Variants in ZMYM2 observed in about 807,000 individuals in gnomAD.
The protein encoded by ZMYM2 is zinc finger MYM-type containing 2.
Under a neutral mutation model 162.8 loss-of-function variants are expected in ZMYM2, and 56 were observed. The ratio of observed to expected loss-of-function variants is 0.34; its 90% confidence interval spans 0.28 to 0.43. The LOEUF (loss-of-function observed/expected upper bound fraction) is 0.43, where lower values mean the gene tolerates loss of function less well. Ranked by LOEUF, ZMYM2 falls within the 20% of genes least tolerant of loss-of-function variation. The pLI, the probability that ZMYM2 is intolerant of heterozygous loss-of-function variation, is 1.00. For synonymous variants in ZMYM2, 510 were observed against 541.6 expected (o/e 0.94, Z 0.81); for missense variants, 1,275 against 1,621.8 (o/e 0.79, Z 3.67).
the ZMYM2 span, among the ~76,000 whole-genome samples, chr13:19,945,665 C>T: frequency 6.6e-6 from 1 of 152,090 alleles, no homozygotes; most frequent in Non-Finnish European, 1.5e-5. Context: ...TTTTGTGAAG[C>T]TTCTCATCTT....
At chr13:20,004,293 C>T (rs901072831) in intron 4 of ZMYM2, among the ~76,000 whole-genome samples, 5 of 151,876 alleles carry the variant, frequency 3.3e-5, no homozygotes, top group Admixed American at 6.6e-5. Flanking sequence ...CTCGCTCTGT[C>T]GCCCTGGCTG....
the ZMYM2 span, among the ~76,000 whole-genome samples, chr13:19,867,688 C>A: frequency 6.6e-6 from 1 of 152,026 alleles, no homozygotes; most frequent in South Asian, 2.1e-4. Context: ...TGCAGTGGCG[C>A]AGTCTTGGAT....
intron 2 of ZMYM2, among the ~76,000 whole-genome samples, chr13:19,963,912 C>T (rs369993306): frequency 6.6e-6 from 1 of 151,894 alleles, no homozygotes; most frequent in Non-Finnish European, 1.5e-5. Flanking sequence ...TGTTCTTAGT[C>T]CTGTTTTATT....
the ZMYM2 span, among the ~76,000 whole-genome samples, chr13:19,882,028 TA>T: frequency 1.3e-5 from 2 of 149,754 alleles, no homozygotes; most frequent in African/African-American, 5.0e-5. Flanking sequence ...CAAAATTATA[TA>T]TACAAAAATG....
At chr13:20,024,486 T>C (rs1440344321) in intron 7 of ZMYM2, 1 of 219,204 alleles carries the variant, frequency 4.6e-6, no homozygotes, top group Non-Finnish European at 9.2e-6. Context: ...TGCTGATACA[T>C]GGAGGCCTTC....
chr13:19,918,804 C>T, the ZMYM2 span, among the ~76,000 whole-genome samples: 1 of 152,078 alleles, frequency 6.6e-6, no homozygotes, highest in Non-Finnish European at 1.5e-5. Flanking sequence ...TGGCCAAAAA[C>T]CTCTTATTTT....
chr13:20,046,904 T>C (rs1277673949), intron 12 of ZMYM2, among the ~76,000 whole-genome samples: 2 of 152,080 alleles, frequency 1.3e-5, no homozygotes, highest in Non-Finnish European at 2.9e-5. Flanking sequence ...TTTCAGAATA[T>C]ACAAGAAATA....
At chr13:19,870,607 T>C in the ZMYM2 span, among the ~76,000 whole-genome samples, 41 of 148,428 alleles carry the variant, frequency 2.8e-4, no homozygotes, top group African/African-American at 1.0e-3. Flanking sequence ...TTTCTTTCTT[T>C]CTTTCCTTCT....
the ZMYM2 span, among the ~76,000 whole-genome samples, chr13:19,948,298 T>C: frequency 7.4e-4 from 113 of 152,264 alleles, no homozygotes; most frequent in African/African-American, 2.7e-3. Flanking sequence ...CCCTTGCACA[T>C]GGGTATTTAT....
intron 1 of ZMYM2, 150 bp downstream of exon 1, chr13:19,958,991 C>G (rs1255638929): frequency 6.6e-6 from 1 of 152,040 alleles, no homozygotes; most frequent in Non-Finnish European, 1.5e-5. Context: ...TCCCACCGAC[C>G]CGGGATTAAT....
At chr13:20,027,073 C>G in intron 8 of ZMYM2, 130 bp from the exon 9 acceptor site, 1 of 651,854 alleles carries the variant, frequency 1.5e-6, no homozygotes, top group South Asian at 2.5e-5. Context: ...TGCACATAAT[C>G]TTCAGTATTG....
intron 3 of ZMYM2, among the ~76,000 whole-genome samples, chr13:19,999,005 TG>T (rs1156884105): frequency 6.6e-6 from 1 of 152,170 alleles, no homozygotes; most frequent in Non-Finnish European, 1.5e-5. Flanking sequence ...GTTATGGTAT[TG>T]GTAGTGCCAT....
chr13:20,046,579 A>ATGTGTGTG (rs1354962013), intron 12 of ZMYM2, among the ~76,000 whole-genome samples: 5 of 41,096 alleles, frequency 1.2e-4, no homozygotes, highest in Admixed American at 7.3e-4. Context: ...ATATATATAT[A>ATGTGTGTG]TATGTGTGTG....
chr13:20,016,786 G>A (rs1440827927), intron 6 of ZMYM2, among the ~76,000 whole-genome samples: 3 of 152,032 alleles, frequency 2.0e-5, no homozygotes, highest in Non-Finnish European at 2.9e-5. Flanking sequence ...GTCTTTTAAC[G>A]GTTTGATTAT....
chr13:19,884,319 A>G, the ZMYM2 span, among the ~76,000 whole-genome samples: 1 of 152,082 alleles, frequency 6.6e-6, no homozygotes, highest in African/African-American at 2.4e-5. Context: ...GCCGCTTGTT[A>G]TACCCCCGCA....
the ZMYM2 span, among the ~76,000 whole-genome samples, chr13:19,915,637 G>A: frequency 6.6e-6 from 1 of 151,770 alleles, no homozygotes; most frequent in African/African-American, 2.4e-5. Context: ...CCTAGTAGCT[G>A]GGATTATAGG....
chr13:19,961,814 A>G (rs1955243144), intron 2 of ZMYM2, among the ~76,000 whole-genome samples: 1 of 152,228 alleles, frequency 6.6e-6, no homozygotes, highest in Admixed American at 6.5e-5. Context: ...TGATGCTGCT[A>G]TGTGCTAGAC....
At chr13:19,964,775 G>C (rs902279481) in intron 2 of ZMYM2, among the ~76,000 whole-genome samples, 5 of 151,400 alleles carry the variant, frequency 3.3e-5, no homozygotes, top group African/African-American at 1.2e-4. Context: ...TAGTTTTTGT[G>C]AATTTATAAG....
At chr13:20,058,885 A>G in intron 15 of ZMYM2, 181 bp downstream of exon 15, 1 of 817,606 alleles carries the variant, frequency 1.2e-6, no homozygotes, top group East Asian at 2.5e-5. Context: ...ATTTTAAATC[A>G]TTATGATCAA....
Sources: gnomAD v4.1 joint callset for allele counts (sites outside exome capture counted in the v4.1 genomes callset) on GRCh38, gnomAD v4.1.1 for gene constraint, MANE v1.5 for transcripts, NCBI Gene and HGNC (gene_info 2026-07-23, HGNC 2026-07-21) for gene names.